Variants in FAM185A observed in about 807,000 individuals in gnomAD.
The protein encoded by FAM185A is family with sequence similarity 185 member A.
FAM185A carries 21 observed loss-of-function variants against 45.7 expected under a neutral mutation model. The observed-to-expected ratio is 0.46, with a 90% CI of 0.33 to 0.66. The LOEUF is 0.66. FAM185A is among the 30% of genes least tolerant of loss of function. The probability of loss-of-function intolerance (pLI) is 0.03; values close to 1 mark genes in which losing one functional copy is unlikely to be tolerated. For missense variants in FAM185A, 305 were observed against 485.4 expected, an observed-to-expected ratio of 0.63 and a Z score of 3.49; for synonymous variants, 117 against 194.0, an observed-to-expected ratio of 0.60 and a Z score of 3.30.
chr7:102,841,545 G>A, the FAM185A span, among the ~76,000 whole-genome samples: 1 of 152,240 alleles, frequency 6.6e-6, no homozygotes, highest in African/African-American at 2.4e-5. Flanking sequence ...AGAAAACACA[G>A]TACCCATGAC....
At chr7:102,827,880 A>G in the FAM185A span, among the ~76,000 whole-genome samples, 1 of 152,102 alleles carries the variant, frequency 6.6e-6, no homozygotes, top group Non-Finnish European at 1.5e-5. Context: ...TTTGTCAAAG[A>G]TCAGATGGTT....
chr7:102,793,767 G>A (rs1227062681), intron 7 of FAM185A, among the ~76,000 whole-genome samples: 2 of 151,280 alleles, frequency 1.3e-5, no homozygotes, highest in African/African-American at 2.4e-5. Flanking sequence ...GGCCGGGCAC[G>A]GTCGCTCACG....
chr7:102,829,672 G>A, the FAM185A span, among the ~76,000 whole-genome samples: 28 of 152,078 alleles, frequency 1.8e-4, 1 homozygote, highest in Non-Finnish European at 4.0e-4. Flanking sequence ...TTTTAGTGTC[G>A]AGTAGGATGA....
At chr7:102,838,666 T>C in the FAM185A span, among the ~76,000 whole-genome samples, 1 of 152,094 alleles carries the variant, frequency 6.6e-6, no homozygotes, top group Non-Finnish European at 1.5e-5. Context: ...GAAACATGTG[T>C]TGTATGGGAT....
chr7:102,786,281 C>T (rs1795789046), intron 6 of FAM185A, among the ~76,000 whole-genome samples: 1 of 152,216 alleles, frequency 6.6e-6, no homozygotes, highest in African/African-American at 2.4e-5. Context: ...AGCGATTCCT[C>T]AGGGATCTTG....
chr7:102,800,399 C>T (rs1011183375), intron 7 of FAM185A, among the ~76,000 whole-genome samples: 5 of 152,106 alleles, frequency 3.3e-5, no homozygotes, highest in Non-Finnish European at 5.9e-5. Context: ...AGAAGAAATC[C>T]CTGATTTACC....
chr7:102,795,624 A>G (rs1796400310), intron 7 of FAM185A, among the ~76,000 whole-genome samples: 1 of 152,204 alleles, frequency 6.6e-6, no homozygotes, highest in Non-Finnish European at 1.5e-5. Context: ...AAAGATCAAG[A>G]CAGGGTTCAC....
chr7:102,834,088 A>AAGGAAGGGAG, the FAM185A span, among the ~76,000 whole-genome samples: 1 of 61,748 alleles, frequency 1.6e-5, no homozygotes, highest in African/African-American at 6.9e-5. Context: ...AAGGAAAGAA[A>AAGGAAGGGAG]AGAAAGAAAG....
chr7:102,824,549 A>G, the FAM185A span, among the ~76,000 whole-genome samples: 3 of 151,920 alleles, frequency 2.0e-5, no homozygotes, highest in East Asian at 3.9e-4. Context: ...GTAGTGGCAC[A>G]ATCTCGGCTC....
chr7:102,796,048 A>G (rs1416680124), intron 7 of FAM185A, among the ~76,000 whole-genome samples: 2 of 151,938 alleles, frequency 1.3e-5, no homozygotes, highest in African/African-American at 4.8e-5. Flanking sequence ...GCAGGAGACC[A>G]GTTTTATTAT....
At chr7:102,822,282 A>G in the FAM185A span, 11 of 1,250,526 alleles carry the variant, frequency 8.8e-6, 1 homozygote, top group South Asian at 1.3e-4. Flanking sequence ...ACTTTGGGCA[A>G]CTATAATAAA....
At chr7:102,834,073 G>A in the FAM185A span, among the ~76,000 whole-genome samples, 1 of 111,704 alleles carries the variant, frequency 9.0e-6, no homozygotes, top group East Asian at 3.6e-4. Context: ...AGGAAGGAAG[G>A]AAGGAAGGAA....
Position 102,751,749 on chromosome 7 carries a change from A to G in FAM185A, c.509A>G (p.Asp170Gly), listed in dbSNP as rs1251414125. ...GCVKVQSIEG[D>G]NCKIETEHGT... is the part of the protein sequence containing the mutation. Reference sequence around the variant, plus strand: ...GTAAAAGTTCAAAGTATTGAGGGTGATAATTGCAAAATTGAAACAGAGCAT... The same window carrying G: ...GTAAAAGTTCAAAGTATTGAGGGTGGTAATTGCAAAATTGAAACAGAGCAT... The change falls in exon 2 of 8, where the codon GAT (aspartate) becomes GGT (glycine). Residue 170 changes from aspartate to glycine, a missense_variant. Around this residue, in one of 5 missense-constraint regions of FAM185A, gnomAD observed 174 missense variants for 247.1 expected, o/e 0.70. Coordinates refer to ENST00000413034, the MANE Select transcript of FAM185A (RefSeq NM_001145268.2). 18 of 1,551,518 alleles carry G rather than the reference A, an allele frequency of 1.2e-5. No individual in the cohort carries two copies. Among genetic ancestry groups the G allele is most frequent in the Non-Finnish European group, 1.5e-5 (17 of 1,146,810 alleles).
At position 102,748,999 on chromosome 7, in the gene FAM185A, A is replaced by C; in HGVS notation, c.-209A>C. 1.3e-6 allele frequency: 1 copy of C among 797,386 alleles called. No homozygotes were observed. The highest frequency in any genetic ancestry group is 2.1e-6 in the Non-Finnish European group (1 of 471,690). 49.4% of individuals were successfully genotyped at this position (797,386 alleles called of 1,614,324 possible). On this transcript the variant is annotated 5_prime_UTR_variant, in exon 1 of 8. Coordinates refer to ENST00000413034, the MANE Select transcript of FAM185A (RefSeq NM_001145268.2). ...AGGCAAGGGGTCCAGGTCAGAGTTTAGAGCTTTCAAATCCCAACTTGCCCC... is the reference window on the plus strand; with the variant it reads ...AGGCAAGGGGTCCAGGTCAGAGTTTCGAGCTTTCAAATCCCAACTTGCCCC...
intron 7 of FAM185A, among the ~76,000 whole-genome samples, chr7:102,789,277 C>T (rs1382568680): frequency 6.6e-6 from 1 of 152,194 alleles, no homozygotes; most frequent in Non-Finnish European, 1.5e-5. Flanking sequence ...CTACCGTTCT[C>T]AGCTAATTTT....
chr7:102,837,898 G>T, the FAM185A span, among the ~76,000 whole-genome samples: 9 of 152,198 alleles, frequency 5.9e-5, no homozygotes, highest in Admixed American at 5.9e-4. Flanking sequence ...CTTATCTTCT[G>T]CATTGACTGT....
intron 4 of FAM185A, among the ~76,000 whole-genome samples, chr7:102,761,768 A>G (rs1450470642): frequency 6.6e-6 from 1 of 151,568 alleles, no homozygotes; most frequent in Non-Finnish European, 1.5e-5. Flanking sequence ...CGTTCAGGTG[A>G]TTCTCCCACC....
At chr7:102,820,853 C>T in the FAM185A span, among the ~76,000 whole-genome samples, 1 of 152,310 alleles carries the variant, frequency 6.6e-6, no homozygotes, top group African/African-American at 2.4e-5. Flanking sequence ...AAGGTCACAC[C>T]TCTCAATAAT....
the FAM185A span, among the ~76,000 whole-genome samples, chr7:102,841,024 G>GTTAT: frequency 6.6e-5 from 10 of 152,120 alleles, no homozygotes; most frequent in Admixed American, 1.3e-4. Context: ...GATAGGGAGG[G>GTTAT]TTATTACAAA....
Sources: allele counts gnomAD v4.1 joint callset (sites outside exome capture counted in the v4.1 genomes callset), GRCh38; gene constraint gnomAD v4.1.1; regional missense constraint gnomAD v4.1.1; transcripts MANE v1.5; gene names NCBI Gene and HGNC (gene_info 2026-07-23, HGNC 2026-07-21).